CREM: variants seen among roughly 807,000 people sequenced by gnomAD.
CREM encodes cAMP-responsive element modulator.
Under a neutral mutation model 37.3 loss-of-function variants are expected in CREM, and 13 were observed. That is an observed-to-expected ratio of 0.35 (90% CI 0.23 to 0.55). The LOEUF (loss-of-function observed/expected upper bound fraction) is 0.55. CREM is among the 20% of genes least tolerant of loss of function. CREM has a pLI of 0.88. For synonymous variants in CREM, 124 were observed against 120.2 expected (o/e 1.03, Z -0.21); for missense variants, 296 against 362.3 (o/e 0.82, Z 1.49).
chr10:35,209,908 G>T (rs1203445580), intron 7 of CREM, among the ~76,000 whole-genome samples: 1 of 152,060 alleles, frequency 6.6e-6, no homozygotes, highest in Non-Finnish European at 1.5e-5. Flanking sequence ...TGAGAAGTCT[G>T]AGAACTTTGT....
chr10:35,174,186 A>G (rs926858261), intron 3 of CREM, among the ~76,000 whole-genome samples: 13 of 152,148 alleles, frequency 8.5e-5, no homozygotes, highest in African/African-American at 3.1e-4. Flanking sequence ...ACTGTTATCT[A>G]GGTTTAGATC....
At chr10:35,162,505 A>G (rs2136437821) in intron 3 of CREM, among the ~76,000 whole-genome samples, 1 of 152,324 alleles carries the variant, frequency 6.6e-6, no homozygotes, top group East Asian at 1.9e-4. Flanking sequence ...TATACTCCAA[A>G]ACATCATGTT....
chr10:35,149,542 C>T (rs989457452), intron 3 of CREM, among the ~76,000 whole-genome samples: 9 of 152,004 alleles, frequency 5.9e-5, no homozygotes, highest in Admixed American at 1.3e-4. Context: ...GTCAGTGAGT[C>T]GGAACTGAAG....
intron 3 of CREM, among the ~76,000 whole-genome samples, chr10:35,158,817 G>GTTTT (rs1491230780): frequency 2.3e-4 from 15 of 65,032 alleles, no homozygotes; most frequent in African/African-American, 6.8e-4. Flanking sequence ...TTGTTGTTTT[G>GTTTT]TTTGTTTTTT....
In CREM at chr10:35,182,416, TA is replaced by T. The variant is rs912521444; in HGVS notation, c.409+3149del. ...AATGCTCTTTCATAACCTTTTATTA[TA>T]AAAAAAAATTTTAGGTTTAATTGTT... On this transcript the variant is annotated intron_variant, in intron 5 of 7. Coordinates refer to ENST00000685392, the MANE Select transcript of CREM (RefSeq NM_183011.2). 1.8e-3 allele frequency among the ~76,000 whole-genome samples: 271 copies of T among 151,752 alleles called. 1 individual carries two copies. The highest frequency in any genetic ancestry group is 2.4e-3 in the African/African-American group (98 of 41,444).
At chr10:35,143,962 A>G (rs970484145) in intron 2 of CREM, among the ~76,000 whole-genome samples, 6 of 152,158 alleles carry the variant, frequency 3.9e-5, no homozygotes, top group African/African-American at 1.2e-4. Flanking sequence ...GAAAGGAAGC[A>G]CTAGTTATGA....
intron 6 of CREM, 72 bp downstream of exon 6, chr10:35,188,460 A>G (rs961372864): frequency 5.9e-6 from 8 of 1,353,554 alleles, no homozygotes; most frequent in Non-Finnish European, 7.8e-6. Context: ...TGGTGATTTT[A>G]TAGTTTTTTG....
At chr10:35,197,097 T>C (rs1290652996) in intron 6 of CREM, among the ~76,000 whole-genome samples, 1 of 152,012 alleles carries the variant, frequency 6.6e-6, no homozygotes, top group African/African-American at 2.4e-5. Context: ...GACCTCGTGA[T>C]CCGCCCTCCT....
At chr10:35,180,164 T>C (rs926123495) in intron 5 of CREM, among the ~76,000 whole-genome samples, 1 of 152,210 alleles carries the variant, frequency 6.6e-6, no homozygotes, top group African/African-American at 2.4e-5. Flanking sequence ...ATTGAACAAA[T>C]ATATTGACAG....
intron 6 of CREM, among the ~76,000 whole-genome samples, chr10:35,199,481 C>A (rs1477992164): frequency 2.0e-5 from 3 of 152,050 alleles, no homozygotes; most frequent in Non-Finnish European, 4.4e-5. Context: ...CTTAATGTTA[C>A]AAATAAACAT....
chr10:35,208,713 G>A (rs888567559), intron 7 of CREM, among the ~76,000 whole-genome samples: 2 of 152,158 alleles, frequency 1.3e-5, no homozygotes, highest in Non-Finnish European at 2.9e-5. Flanking sequence ...CAAAAATTGG[G>A]GCTAGCTGAG....
intron 3 of CREM, 64 bp from the exon 4 acceptor site, chr10:35,178,825 A>G: frequency 7.3e-7 from 1 of 1,377,124 alleles, no homozygotes; most frequent in South Asian, 1.3e-5. Context: ...CTTAGCCTCA[A>G]TTTTTTGAAT....
Position 35,198,393 on chromosome 10 carries a change from C to G in CREM, c.599-8502C>G, listed in dbSNP as rs770179062. ...CAAAAATTAGCCAGGCGTGGTGGCA[C>G]GCGCCTGTAATCTCAGCTACTCGGG... On this transcript the variant is annotated intron_variant, in intron 6 of 7. Transcript: ENST00000685392. 2.6e-5 allele frequency among the ~76,000 whole-genome samples: 4 copies of G among 151,754 alleles called. No individual in the cohort carries two copies. The East Asian group carries it at 7.7e-4, about 29-fold the overall frequency.
chr10:35,189,926 G>A (rs186611206), intron 6 of CREM, among the ~76,000 whole-genome samples: 204 of 152,264 alleles, frequency 1.3e-3, no homozygotes, highest in Middle Eastern at 6.8e-3. Context: ...GTGGACTATG[G>A]TAAAAGTGTG....
chr10:35,157,154 TC>T, intron 3 of CREM, among the ~76,000 whole-genome samples: 1 of 152,316 alleles, frequency 6.6e-6, no homozygotes, highest in Non-Finnish European at 1.5e-5. Context: ...CATATCATCA[TC>T]TCAATACATG....
chr10:35,132,016 C>G (rs2089480190), intron 1 of CREM, among the ~76,000 whole-genome samples: 1 of 152,060 alleles, frequency 6.6e-6, no homozygotes, highest in South Asian at 2.1e-4. Context: ...CCTGACCAAA[C>G]ATGGTGAAAC....
At chr10:35,159,359 T>C (rs2093147525) in intron 3 of CREM, among the ~76,000 whole-genome samples, 1 of 152,018 alleles carries the variant, frequency 6.6e-6, no homozygotes, top group Non-Finnish European at 1.5e-5. Context: ...AACTGCATGG[T>C]ACCAGCATGA....
intron 3 of CREM, chr10:35,167,818 C>CT: frequency 1.2e-6 from 2 of 1,602,630 alleles, no homozygotes; most frequent in Non-Finnish European, 1.7e-6. Flanking sequence ...ATGATGTCTG[C>CT]TATAAGTACC....
At chr10:35,196,700 T>G (rs745937042) in intron 6 of CREM, among the ~76,000 whole-genome samples, 1 of 152,190 alleles carries the variant, frequency 6.6e-6, no homozygotes, top group African/African-American at 2.4e-5. Flanking sequence ...ACACTGCATG[T>G]CATATGATTC....
Sources: gnomAD v4.1 joint callset for allele counts (sites outside exome capture counted in the v4.1 genomes callset) on GRCh38, gnomAD v4.1.1 for gene constraint, MANE v1.5 for transcripts, NCBI Gene and HGNC (gene_info 2026-07-23, HGNC 2026-07-21) for gene names.